GPC6: variants seen among roughly 807,000 people sequenced by gnomAD.
GPC6 encodes the protein glypican 6.
GPC6 carries 14 observed loss-of-function variants against 55.2 expected under a neutral mutation model. That is an observed-to-expected ratio of 0.25 (90% confidence interval 0.17 to 0.40). The LOEUF is 0.40. GPC6 is among the 10% of genes least tolerant of loss of function. The pLI, the probability that GPC6 is intolerant of heterozygous loss-of-function variation, is 1.00. For synonymous variants in GPC6, 278 were observed against 259.6 expected (o/e 1.07, Z -0.68); for missense variants, 641 against 708.5 (o/e 0.90, Z 1.08).
chr13:94,191,749 C>G (rs1005529453), intron 4 of GPC6, among the ~76,000 whole-genome samples: 1 of 152,162 alleles, frequency 6.6e-6, no homozygotes, highest in Non-Finnish European at 1.5e-5. Context: ...GGCAGAGGAT[C>G]TTCCCATGGG....
chr13:94,101,798 C>A (rs1408365548), intron 4 of GPC6, among the ~76,000 whole-genome samples: 6 of 151,308 alleles, frequency 4.0e-5, no homozygotes, highest in Non-Finnish European at 7.4e-5. Context: ...AAAAAAAAAC[C>A]AAGCAAATAT....
chr13:94,066,933 A>G (rs143471977), intron 4 of GPC6, among the ~76,000 whole-genome samples: 182 of 152,368 alleles, frequency 1.2e-3, no homozygotes, highest in African/African-American at 4.0e-3. Flanking sequence ...TGCATGGAAT[A>G]CAACTGGGTA....
Position 94,351,432 on chromosome 13 carries a change from C to T in GPC6, c.1153-30982C>T, listed in dbSNP as rs562763465. Reference sequence around the variant, plus strand: ...TGAAAGAGACTGGTTTTCTAGTGTACCAGAGCCTTTTGTGGAAAAACAAAG... The same window carrying T: ...TGAAAGAGACTGGTTTTCTAGTGTATCAGAGCCTTTTGTGGAAAAACAAAG... On this transcript the variant is annotated intron_variant, in intron 6 of 8. Transcript: ENST00000377047. Among the ~76,000 whole-genome samples, 449 of 152,076 alleles carry T rather than the reference C, an allele frequency of 3.0e-3. 5 individuals carry two copies. The highest frequency in any genetic ancestry group is 6.8e-3 in the Middle Eastern group (2 of 294).
chr13:93,225,883 C>T (rs1022333845), upstream of GPC6, among the ~76,000 whole-genome samples: 80 of 152,158 alleles, frequency 5.3e-4, no homozygotes, highest in African/African-American at 1.9e-3. Context: ...TGAATAAACA[C>T]TATTATTATT....
At chr13:93,757,681 G>A (rs1884822070) in intron 2 of GPC6, among the ~76,000 whole-genome samples, 1 of 152,074 alleles carries the variant, frequency 6.6e-6, no homozygotes, top group South Asian at 2.1e-4. Flanking sequence ...AGTCCTACAA[G>A]TCAACTCCTC....
At chr13:93,752,144 G>A (rs1044089660) in intron 2 of GPC6, among the ~76,000 whole-genome samples, 5 of 152,082 alleles carry the variant, frequency 3.3e-5, no homozygotes, top group Non-Finnish European at 5.9e-5. Context: ...GTAAGTAGAG[G>A]ACCACATAGA....
At chr13:93,756,977 A>G (rs1388403910) in intron 2 of GPC6, among the ~76,000 whole-genome samples, 1 of 152,142 alleles carries the variant, frequency 6.6e-6, no homozygotes, top group Non-Finnish European at 1.5e-5. Context: ...ATATACTCTA[A>G]TTGCTCTGTG....
At chr13:94,132,803 A>G (rs971368936) in intron 4 of GPC6, among the ~76,000 whole-genome samples, 1 of 152,188 alleles carries the variant, frequency 6.6e-6, no homozygotes, top group Non-Finnish European at 1.5e-5. Flanking sequence ...AATAGGATCC[A>G]CCAAATACCG....
intron 1 of GPC6, among the ~76,000 whole-genome samples, chr13:93,258,266 C>G (rs1187341574): frequency 6.6e-6 from 1 of 152,150 alleles, no homozygotes; most frequent in African/African-American, 2.4e-5. Context: ...TTTGCTTTGG[C>G]TACTTGTAAC....
At chr13:94,126,234 T>A (rs1434591350) in intron 4 of GPC6, among the ~76,000 whole-genome samples, 1 of 151,830 alleles carries the variant, frequency 6.6e-6, no homozygotes, top group African/African-American at 2.4e-5. Flanking sequence ...AAATTGAAAA[T>A]TAGTTGGGTG....
chr13:94,283,458 A>G (rs1479191682), intron 4 of GPC6, among the ~76,000 whole-genome samples: 2 of 152,228 alleles, frequency 1.3e-5, no homozygotes, highest in Admixed American at 6.5e-5. Flanking sequence ...CAGAAACTCC[A>G]TGCTTACACA....
At chr13:93,544,114 A>G (rs1647723001) in intron 1 of GPC6, among the ~76,000 whole-genome samples, 1 of 151,610 alleles carries the variant, frequency 6.6e-6, no homozygotes, top group Admixed American at 6.6e-5. Flanking sequence ...GTGTCTTTTA[A>G]TTAGGAACTC....
At chr13:93,784,834 A>G (rs148867091) in intron 2 of GPC6, among the ~76,000 whole-genome samples, 29 of 152,300 alleles carry the variant, frequency 1.9e-4, no homozygotes, top group African/African-American at 7.0e-4. Context: ...ACAAATAACC[A>G]CAGCTGAGAC....
At chr13:93,529,530 T>TC (rs1222541905) in intron 1 of GPC6, among the ~76,000 whole-genome samples, 3 of 146,994 alleles carry the variant, frequency 2.0e-5, no homozygotes, top group African/African-American at 7.6e-5. Flanking sequence ...TTTTTTTTTT[T>TC]TTTGAGATGG....
intron 5 of GPC6, among the ~76,000 whole-genome samples, chr13:94,286,692 A>T (rs1892540601): frequency 6.6e-6 from 1 of 152,198 alleles, no homozygotes; most frequent in African/African-American, 2.4e-5. Flanking sequence ...GCAACTACTC[A>T]ATCACGAAGA....
chr13:93,370,467 T>G (rs1881409628), intron 1 of GPC6, among the ~76,000 whole-genome samples: 1 of 152,148 alleles, frequency 6.6e-6, no homozygotes. Flanking sequence ...GGAAAAATAA[T>G]GCTGGATTTC....
intron 2 of GPC6, among the ~76,000 whole-genome samples, chr13:93,707,423 G>A (rs920537766): frequency 1.3e-5 from 2 of 151,708 alleles, no homozygotes; most frequent in African/African-American, 4.8e-5. Flanking sequence ...TATGGACTTA[G>A]TAGCATATTC....
At chr13:94,329,900 A>G (rs1164233049) in intron 6 of GPC6, among the ~76,000 whole-genome samples, 1 of 152,196 alleles carries the variant, frequency 6.6e-6, no homozygotes, top group Non-Finnish European at 1.5e-5. Flanking sequence ...GGCAGAAACG[A>G]AGCCAAATGT....
intron 6 of GPC6, among the ~76,000 whole-genome samples, 170 bp from the exon 7 acceptor site, chr13:94,382,244 G>C (rs906599980): frequency 6.6e-6 from 1 of 152,160 alleles, no homozygotes. Context: ...AGGAAAGGAG[G>C]CTTTCCCGGG....
Sources: allele counts gnomAD v4.1 joint callset (sites outside exome capture counted in the v4.1 genomes callset), GRCh38; gene constraint gnomAD v4.1.1; transcripts MANE v1.5; gene names NCBI Gene and HGNC (gene_info 2026-07-23, HGNC 2026-07-21).